DCAF6: variants seen among roughly 807,000 people sequenced by gnomAD.
DCAF6 encodes the protein DDB1 and CUL4 associated factor 6.
Under a neutral mutation model 125.1 loss-of-function variants are expected in DCAF6, and 54 were observed. That is an observed-to-expected ratio of 0.43 (90% CI 0.35 to 0.54). The LOEUF (loss-of-function observed/expected upper bound fraction) is 0.54, where lower values mean the gene tolerates loss of function less well. DCAF6 is among the 20% of genes least tolerant of loss of function. The probability of loss-of-function intolerance (pLI) is 0.01; values close to 1 mark genes in which losing one functional copy is unlikely to be tolerated. For synonymous variants in DCAF6, 371 were observed against 390.4 expected (o/e 0.95, Z 0.58); for missense variants, 934 against 1,161.7 (o/e 0.80, Z 2.85).
intron 16 of DCAF6, among the ~76,000 whole-genome samples, chr1:168,048,633 T>G (rs1689434297): frequency 6.6e-6 from 1 of 152,200 alleles, no homozygotes; most frequent in Non-Finnish European, 1.5e-5. Flanking sequence ...CATAGATATT[T>G]TTAAATGGAA....
chr1:167,962,440 T>TA lies in DCAF6; in HGVS notation c.160-4188dup, dbSNP rs141425112. On this transcript the variant is annotated intron_variant, in intron 2 of 21. Transcript: ENST00000367840. The stretch of plus-strand genomic sequence containing the variant: ...TTGGGGAAACTGACCTCTTTATCGT[T>TA]ATGAAATACCCTTCTTTTTCCCTGA... 5.9e-3 allele frequency among the ~76,000 whole-genome samples: 901 copies of TA among 152,320 alleles called. 12 individuals carry two copies. The highest frequency in any genetic ancestry group is 0.02 in the African/African-American group (852 of 41,566).
chr1:167,878,323 G>A, the DCAF6 span: 2 of 1,092,070 alleles, frequency 1.8e-6, no homozygotes, highest in Non-Finnish European at 2.7e-6. Context: ...GCCTTGGTCT[G>A]GGGAAAGCAT....
chr1:167,974,676 AT>A lies in DCAF6; in HGVS notation c.253-147del, dbSNP rs373217139. Among the ~76,000 whole-genome samples, 391 of 152,252 alleles carry A rather than the reference AT, an allele frequency of 2.6e-3. 4 individuals carry two copies. In the East Asian group the frequency reaches 0.036, roughly 14 times the overall value. Reference sequence around the variant, plus strand: ...ACAAAAGAAAATATATGGGATTCTGATTTTTTTAAATTATAATAGCTTGCAG... The same window carrying A: ...ACAAAAGAAAATATATGGGATTCTGATTTTTTAAATTATAATAGCTTGCAG... On this transcript the variant is annotated intron_variant, in intron 3 of 21. Coordinates refer to ENST00000367840, the MANE Select transcript of DCAF6 (RefSeq NM_001198956.2).
intron 2 of DCAF6, among the ~76,000 whole-genome samples, chr1:167,952,247 C>CTGGA (rs1298413825): frequency 6.6e-6 from 1 of 152,014 alleles, no homozygotes; most frequent in Non-Finnish European, 1.5e-5. Flanking sequence ...GTTGCCCAGG[C>CTGGA]TGGAGTGCAG....
At chr1:167,880,629 C>G in the DCAF6 span, 1 of 1,553,970 alleles carries the variant, frequency 6.4e-7, no homozygotes, top group Non-Finnish European at 8.9e-7. Context: ...AGAGAGACAG[C>G]AACCACAGCT....
the DCAF6 span, chr1:167,916,805 AAC>A: frequency 2.6e-5 from 4 of 152,204 alleles, no homozygotes; most frequent in Non-Finnish European, 5.9e-5. Context: ...TAACCTAGGA[AAC>A]ACATGTGTGC....
At chr1:167,896,509 C>T in the DCAF6 span, 2 of 1,081,432 alleles carry the variant, frequency 1.8e-6, no homozygotes, top group African/African-American at 1.6e-5. Flanking sequence ...GGAGCCCACC[C>T]ACCAGTAATG....
chr1:168,070,230 C>T (rs1558057752), intron 21 of DCAF6, among the ~76,000 whole-genome samples: 1 of 151,958 alleles, frequency 6.6e-6, no homozygotes, highest in Non-Finnish European at 1.5e-5. Context: ...TCTTGCTTCT[C>T]TTATACAAAA....
At chr1:168,011,666 G>A (rs1684302687) in intron 10 of DCAF6, among the ~76,000 whole-genome samples, 1 of 152,082 alleles carries the variant, frequency 6.6e-6, no homozygotes, top group Non-Finnish European at 1.5e-5. Context: ...GATAGATATA[G>A]GCCATTTATA....
At chr1:168,068,212 C>CT in intron 20 of DCAF6, 146 bp from the exon 21 acceptor site, 1 of 461,086 alleles carries the variant, frequency 2.2e-6, no homozygotes, top group Non-Finnish European at 4.0e-6. Flanking sequence ...ATTGAATAGA[C>CT]TTAAGGCAGA....
chr1:167,880,291 G>A, the DCAF6 span: 20 of 1,182,848 alleles, frequency 1.7e-5, no homozygotes, highest in Non-Finnish European at 2.5e-5. Context: ...GGGAAAGGGT[G>A]GGAAAGGATT....
At chr1:167,868,894 A>T in the DCAF6 span, among the ~76,000 whole-genome samples, 1 of 152,212 alleles carries the variant, frequency 6.6e-6, no homozygotes, top group Non-Finnish European at 1.5e-5. Flanking sequence ...AGAAATCATC[A>T]CTAATAAAAC....
At chr1:167,922,598 A>G in the DCAF6 span, among the ~76,000 whole-genome samples, 3 of 149,350 alleles carry the variant, frequency 2.0e-5, no homozygotes, top group Non-Finnish European at 3.0e-5. Context: ...TGTAGATATG[A>G]AAAAAAAAAC....
At chr1:168,056,991 C>T (rs1690955144) in intron 17 of DCAF6, among the ~76,000 whole-genome samples, 1 of 152,140 alleles carries the variant, frequency 6.6e-6, no homozygotes, top group Non-Finnish European at 1.5e-5. Flanking sequence ...TTCTTGTATT[C>T]TATCCATGGT....
the DCAF6 span, among the ~76,000 whole-genome samples, chr1:167,904,302 G>T: frequency 8.3e-4 from 126 of 152,134 alleles, no homozygotes; most frequent in Non-Finnish European, 1.7e-3. Context: ...TAGCCAGGAT[G>T]GTCTCGAACT....
chr1:167,903,805 C>T, the DCAF6 span: 8 of 1,003,598 alleles, frequency 8.0e-6, no homozygotes, highest in South Asian at 1.3e-5. Context: ...AGCAATTGTA[C>T]TCTATCAGGT....
At chr1:167,917,272 G>A in the DCAF6 span, 4 of 152,152 alleles carry the variant, frequency 2.6e-5, no homozygotes, top group East Asian at 7.7e-4. Context: ...TTATGTCCCA[G>A]GTACTCTGCT....
chr1:167,867,172 T>G, the DCAF6 span, among the ~76,000 whole-genome samples: 1 of 152,116 alleles, frequency 6.6e-6, no homozygotes, highest in Non-Finnish European at 1.5e-5. Flanking sequence ...TTGGACTCAG[T>G]TTATTCTAGT....
intron 10 of DCAF6, among the ~76,000 whole-genome samples, chr1:168,011,743 C>G (rs1251837939): frequency 1.3e-5 from 2 of 151,894 alleles, no homozygotes; most frequent in Non-Finnish European, 2.9e-5. Flanking sequence ...TTTGGAAGGC[C>G]GAGGTGGGTG....
Sources: allele counts gnomAD v4.1 joint callset (sites outside exome capture counted in the v4.1 genomes callset), GRCh38; gene constraint gnomAD v4.1.1; transcripts MANE v1.5; gene names NCBI Gene and HGNC (gene_info 2026-07-23, HGNC 2026-07-21).